Variants in DPYSL3 observed in about 807,000 individuals in gnomAD.
The protein encoded by DPYSL3 is dihydropyrimidinase like 3.
Under a neutral mutation model 66.1 loss-of-function variants are expected in DPYSL3, and 16 were observed. That is an observed-to-expected ratio of 0.24 (90% CI 0.16 to 0.37). DPYSL3 has a LOEUF of 0.37. Among genes scored for constraint, DPYSL3 ranks in the 10% least tolerant of loss-of-function variants. The pLI is 1.00. For synonymous variants in DPYSL3, 338 were observed against 345.1 expected, an observed-to-expected ratio of 0.98 and a Z score of 0.23; for missense variants, 738 against 916.2, an observed-to-expected ratio of 0.81 and a Z score of 2.51.
At chr5:147,418,745 A>T (rs1362514456) in intron 2 of DPYSL3, 114 bp from the exon 3 acceptor site, 6 of 965,374 alleles carry the variant, frequency 6.2e-6, no homozygotes, top group Non-Finnish European at 8.9e-6. Context: ...GTATTTATCA[A>T]ATTAAACTTT....
chr5:147,465,667 T>A (rs769763270), intron 1 of DPYSL3, among the ~76,000 whole-genome samples: 5 of 152,160 alleles, frequency 3.3e-5, no homozygotes, highest in Non-Finnish European at 7.4e-5. Context: ...AAATTGCCCC[T>A]GTCTAAAGCC....
At chr5:147,394,162 C>T in intron 13 of DPYSL3, 39 bp from the exon 14 acceptor site, 1 of 1,572,152 alleles carries the variant, frequency 6.4e-7, no homozygotes, top group Non-Finnish European at 8.7e-7. Context: ...AAAAAAAAAA[C>T]AGAGTGGCGG....
intron 1 of DPYSL3, among the ~76,000 whole-genome samples, chr5:147,449,606 T>C (rs1188169478): frequency 3.3e-5 from 5 of 152,244 alleles, no homozygotes; most frequent in Non-Finnish European, 7.3e-5. Flanking sequence ...GCTTTGAAGC[T>C]GGACAAGGCC....
intron 1 of DPYSL3, among the ~76,000 whole-genome samples, chr5:147,467,633 TACAA>T (rs1753029798): frequency 6.6e-6 from 1 of 152,210 alleles, no homozygotes; most frequent in Admixed American, 6.5e-5. Context: ...ACCTCACAGC[TACAA>T]ACAATTTACA....
intron 1 of DPYSL3, among the ~76,000 whole-genome samples, chr5:147,431,739 G>T (rs1293395326): frequency 1.3e-5 from 2 of 152,042 alleles, no homozygotes; most frequent in Non-Finnish European, 2.9e-5. Flanking sequence ...AGCAGCCAAG[G>T]TCAGCCAAGA....
Position 147,507,761 on chromosome 5 carries a change from A to C in DPYSL3, c.381+1717T>G, listed in dbSNP as rs371731071. Among the ~76,000 whole-genome samples, 15 of 152,324 alleles carry C rather than the reference A, an allele frequency of 9.8e-5. No homozygotes were observed. The East Asian group carries it at 2.9e-3, about 29-fold the overall frequency. Reference sequence around the variant, plus strand: ...ATTATTATTTCTCAATTAGTAGCCAAAAGTATAGGGTTTGCAAAAGGGAGG... The same window carrying C: ...ATTATTATTTCTCAATTAGTAGCCACAAGTATAGGGTTTGCAAAAGGGAGG... On this transcript the variant is annotated intron_variant, in intron 1 of 13. Coordinates refer to ENST00000343218, the MANE Select transcript of DPYSL3 (RefSeq NM_001197294.2).
chr5:147,414,491 C>T (rs753328087), intron 4 of DPYSL3, among the ~76,000 whole-genome samples: 1 of 152,156 alleles, frequency 6.6e-6, no homozygotes, highest in African/African-American at 2.4e-5. Flanking sequence ...TCTCAGCCCA[C>T]AGTATTCTGG....
intron 1 of DPYSL3, among the ~76,000 whole-genome samples, chr5:147,453,327 G>A (rs1752773747): frequency 6.6e-6 from 1 of 152,202 alleles, no homozygotes; most frequent in Non-Finnish European, 1.5e-5. Flanking sequence ...CCGTGCCACT[G>A]TTTGGGTTTC....
chr5:147,395,757 T>A, intron 12 of DPYSL3, 36 bp from the exon 13 acceptor site: 1 of 1,610,668 alleles, frequency 6.2e-7, no homozygotes, highest in African/African-American at 1.3e-5. Context: ...CATTCATTCA[T>A]TCAGCATTTT....
At chr5:147,453,450 C>A (rs1300972066) in intron 1 of DPYSL3, 2 of 1,424,506 alleles carry the variant, frequency 1.4e-6, no homozygotes, top group Non-Finnish European at 1.8e-6. Context: ...TCCCCGGGGA[C>A]CAGGCCAGAG....
intron 2 of DPYSL3, among the ~76,000 whole-genome samples, chr5:147,421,044 G>C (rs986845429): frequency 6.6e-6 from 1 of 152,144 alleles, no homozygotes; most frequent in East Asian, 1.9e-4. Flanking sequence ...GAAATAAAGC[G>C]TATTCAAATA....
At chr5:147,443,111 T>TA (rs1213742197) in intron 1 of DPYSL3, among the ~76,000 whole-genome samples, 1 of 152,106 alleles carries the variant, frequency 6.6e-6, no homozygotes, top group South Asian at 2.1e-4. Context: ...GCATTAGACT[T>TA]AAAAAAAATA....
chr5:147,475,248 C>A (rs892222127), intron 1 of DPYSL3, among the ~76,000 whole-genome samples: 2 of 152,064 alleles, frequency 1.3e-5, no homozygotes, highest in Admixed American at 1.3e-4. Context: ...TGCCACCTAC[C>A]TAACAGTATT....
intron 1 of DPYSL3, among the ~76,000 whole-genome samples, chr5:147,482,238 A>G (rs545768962): frequency 7.6e-4 from 116 of 152,356 alleles, no homozygotes; most frequent in African/African-American, 2.5e-3. Flanking sequence ...AATAGCTATC[A>G]GTTTGGATCT....
intron 12 of DPYSL3, among the ~76,000 whole-genome samples, chr5:147,395,973 C>T (rs1191536161): frequency 6.6e-6 from 1 of 152,032 alleles, no homozygotes; most frequent in Non-Finnish European, 1.5e-5. Context: ...AAGGACGTTG[C>T]TATGGGGTTG....
intron 1 of DPYSL3, among the ~76,000 whole-genome samples, chr5:147,482,859 G>C (rs556418347): frequency 6.6e-6 from 1 of 152,144 alleles, no homozygotes; most frequent in Non-Finnish European, 1.5e-5. Flanking sequence ...ACTTATAATC[G>C]TGGCAGAAGC....
In DPYSL3 at chr5:147,501,546, A is replaced by G. The variant is rs569691858; in HGVS notation, c.381+7932T>C. ...GTTGCCCAGGCTAGAGTATAGTGTC[A>G]CGATCTGGGCTCACTGCAACCTCTG... On this transcript the variant is annotated intron_variant, in intron 1 of 13. Coordinates refer to ENST00000343218, the MANE Select transcript of DPYSL3 (RefSeq NM_001197294.2). Among the ~76,000 whole-genome samples, 12 of 131,594 alleles carry G rather than the reference A, an allele frequency of 9.1e-5. No individual in the cohort carries two copies. In the East Asian group the frequency reaches 2.4e-3, roughly 26 times the overall value. The allele number at this position is 131,594 out of a possible 152,430, so 86.3% of individuals were successfully genotyped here. A position where few individuals can be genotyped will look rare whatever the true frequency, so the allele number is the denominator to read the frequency against.
intron 11 of DPYSL3, 138 bp downstream of exon 11, chr5:147,398,944 T>G: frequency 8.3e-5 from 100 of 1,206,600 alleles, no homozygotes; most frequent in Middle Eastern, 2.9e-4. Context: ...TTTGAGCCAC[T>G]GAGATTTAGG....
chr5:147,485,179 A>G (rs1369694205), intron 1 of DPYSL3, among the ~76,000 whole-genome samples: 1 of 152,244 alleles, frequency 6.6e-6, no homozygotes, highest in African/African-American at 2.4e-5. Flanking sequence ...AAAACACGTC[A>G]CACGTTATTT....
Sources: gnomAD v4.1 joint callset for allele counts (sites outside exome capture counted in the v4.1 genomes callset) on GRCh38, gnomAD v4.1.1 for gene constraint, MANE v1.5 for transcripts, NCBI Gene and HGNC (gene_info 2026-07-23, HGNC 2026-07-21) for gene names.